Variants in GRM7 observed in about 807,000 individuals in gnomAD.
The protein encoded by GRM7 is glutamate metabotropic receptor 7, also known as metabotropic glutamate receptor 7.
Under a neutral mutation model 84.5 loss-of-function variants are expected in GRM7, and 35 were observed. That is an observed-to-expected ratio of 0.41 (90% confidence interval 0.32 to 0.55). The LOEUF (loss-of-function observed/expected upper bound fraction) is 0.55, where lower values mean the gene tolerates loss of function less well. Among genes scored for constraint, GRM7 ranks in the 20% least tolerant of loss-of-function variants. The probability of loss-of-function intolerance (pLI) is 0.19; values close to 1 mark genes in which losing one functional copy is unlikely to be tolerated. For synonymous variants in GRM7, 487 were observed against 455.1 expected, an observed-to-expected ratio of 1.07 and a Z score of -0.89; for missense variants, 1,003 against 1,194.6, an observed-to-expected ratio of 0.84 and a Z score of 2.36.
intron 2 of GRM7, among the ~76,000 whole-genome samples, chr3:7,241,120 T>G (rs912460349): frequency 1.3e-5 from 2 of 152,188 alleles, no homozygotes; most frequent in Non-Finnish European, 2.9e-5. Flanking sequence ...GCTGAATTAA[T>G]TAAAATATGA....
chr3:7,618,558 T>C (rs1697215779), intron 8 of GRM7, among the ~76,000 whole-genome samples: 1 of 152,148 alleles, frequency 6.6e-6, no homozygotes, highest in Non-Finnish European at 1.5e-5. Context: ...TTATTTTCTG[T>C]TGCCATTTGT....
intron 4 of GRM7, among the ~76,000 whole-genome samples, chr3:7,357,904 A>C (rs546000285): frequency 4.6e-5 from 7 of 152,192 alleles, no homozygotes; most frequent in Middle Eastern, 3.4e-3. Context: ...GGAAAAAAAA[A>C]CCCACTTCCA....
chr3:7,674,655 AT>A (rs1188230693), intron 8 of GRM7, among the ~76,000 whole-genome samples: 1 of 152,192 alleles, frequency 6.6e-6, no homozygotes, highest in African/African-American at 2.4e-5. Context: ...TATAGAATGC[AT>A]TGTTATTAAT....
At chr3:7,350,671 C>T (rs920757146) in intron 4 of GRM7, among the ~76,000 whole-genome samples, 2 of 152,056 alleles carry the variant, frequency 1.3e-5, no homozygotes, top group Non-Finnish European at 2.9e-5. Context: ...GTCATACCAC[C>T]AAGGATAATC....
Position 7,606,098 on chromosome 3 carries a change from A to G in GRM7, c.2451+26741A>G, listed in dbSNP as rs115713901. ...GTGAAGACAGTGACAGATCTCTTGG[A>G]ACTTCCCCTAAGGAATATAATTTCT... On this transcript the variant is annotated intron_variant, in intron 8 of 9. Transcript: ENST00000357716. Among the ~76,000 whole-genome samples the G allele has an allele frequency of 6.5e-3, 984 of 152,326 alleles. 14 individuals are homozygous for G. The highest frequency in any genetic ancestry group is 0.023 in the African/African-American group (938 of 41,588).
At chr3:6,935,103 T>G (rs1341526886) in intron 1 of GRM7, among the ~76,000 whole-genome samples, 1 of 152,170 alleles carries the variant, frequency 6.6e-6, no homozygotes, top group Non-Finnish European at 1.5e-5. Flanking sequence ...CACAGTTGAT[T>G]TGGAAAACTA....
intron 1 of GRM7, among the ~76,000 whole-genome samples, chr3:7,125,065 G>T (rs1380765388): frequency 3.3e-5 from 5 of 152,122 alleles, no homozygotes; most frequent in Non-Finnish European, 7.3e-5. Context: ...TCAGTCTCCT[G>T]AGTAGCTGGG....
chr3:7,505,989 T>A (rs1241033005), intron 7 of GRM7, among the ~76,000 whole-genome samples: 2 of 152,250 alleles, frequency 1.3e-5, no homozygotes, highest in Admixed American at 1.3e-4. Flanking sequence ...ATCTTTGCAC[T>A]CTGCTTCCCT....
chr3:7,081,614 C>T (rs1381531905), intron 1 of GRM7, among the ~76,000 whole-genome samples: 3 of 151,996 alleles, frequency 2.0e-5, no homozygotes, highest in African/African-American at 7.2e-5. Context: ...AAATCAACAG[C>T]TAGAAATGAT....
chr3:7,251,109 G>T (rs916123062), intron 2 of GRM7, among the ~76,000 whole-genome samples: 4 of 152,188 alleles, frequency 2.6e-5, no homozygotes, highest in Non-Finnish European at 5.9e-5. Flanking sequence ...GTAAGGCATT[G>T]GACTATTATT....
intron 2 of GRM7, among the ~76,000 whole-genome samples, chr3:7,150,101 G>GAA (rs764756370): frequency 6.6e-6 from 1 of 151,540 alleles, no homozygotes; most frequent in Non-Finnish European, 1.5e-5. Context: ...GAGAGAGAGA[G>GAA]CAAGAAAGAG....
At chr3:6,964,664 A>C (rs2125086433) in intron 1 of GRM7, among the ~76,000 whole-genome samples, 1 of 152,258 alleles carries the variant, frequency 6.6e-6, no homozygotes, top group African/African-American at 2.4e-5. Context: ...AAATAATCCT[A>C]AAAGGTTAAT....
intron 9 of GRM7, among the ~76,000 whole-genome samples, chr3:7,719,982 G>T (rs1701890009): frequency 1.3e-5 from 2 of 152,196 alleles, no homozygotes; most frequent in South Asian, 4.2e-4. Flanking sequence ...GAAGATAATG[G>T]TTGTAGTAGT....
intron 8 of GRM7, among the ~76,000 whole-genome samples, chr3:7,669,545 A>G (rs1203164340): frequency 6.6e-6 from 1 of 152,202 alleles, no homozygotes; most frequent in Non-Finnish European, 1.5e-5. Flanking sequence ...ACAGAGTTTT[A>G]AAGAAGAAAA....
intron 4 of GRM7, among the ~76,000 whole-genome samples, chr3:7,354,627 C>A (rs765878194): frequency 6.6e-6 from 1 of 152,096 alleles, no homozygotes. Flanking sequence ...GGTGGTGATT[C>A]CCACATCCCC....
chr3:7,010,028 T>A (rs1270655121), intron 1 of GRM7, among the ~76,000 whole-genome samples: 1 of 152,112 alleles, frequency 6.6e-6, no homozygotes, highest in Non-Finnish European at 1.5e-5. Flanking sequence ...ACCTTCAAAA[T>A]CAGACCTGTT....
intron 7 of GRM7, among the ~76,000 whole-genome samples, chr3:7,519,349 G>C (rs1237550033): frequency 6.7e-6 from 1 of 149,216 alleles, no homozygotes; most frequent in African/African-American, 2.5e-5. Flanking sequence ...TTGACAAAGA[G>C]AGACCCTGTC....
chr3:7,446,912 G>A (rs960122409), intron 5 of GRM7, among the ~76,000 whole-genome samples: 2 of 152,128 alleles, frequency 1.3e-5, no homozygotes, highest in African/African-American at 4.8e-5. Context: ...GTCTTTCAAA[G>A]AAAAGATCTT....
chr3:6,866,801 G>C (rs187045720), intron 1 of GRM7, among the ~76,000 whole-genome samples: 212 of 152,320 alleles, frequency 1.4e-3, no homozygotes, highest in Non-Finnish European at 2.5e-3. Context: ...CAGGGATGAG[G>C]TACGTGGCCA....
Sources: allele counts gnomAD v4.1 joint callset (sites outside exome capture counted in the v4.1 genomes callset), GRCh38; gene constraint gnomAD v4.1.1; transcripts MANE v1.5; gene names NCBI Gene and HGNC (gene_info 2026-07-23, HGNC 2026-07-21).